Variants in NDUFAF2 observed in about 807,000 individuals in gnomAD.
The protein encoded by NDUFAF2 is NADH:ubiquinone oxidoreductase complex assembly factor 2, also known as NADH dehydrogenase [ubiquinone] 1 alpha subcomplex assembly factor 2.
Under a neutral mutation model 22.8 loss-of-function variants are expected in NDUFAF2, and 13 were observed. That is an observed-to-expected ratio of 0.57 (90% confidence interval 0.37 to 0.91). NDUFAF2 has a LOEUF of 0.91. Among genes scored for constraint, NDUFAF2 ranks in the 40% least tolerant of loss-of-function variants. The pLI, the probability that NDUFAF2 is intolerant of heterozygous loss-of-function variation, is 0.01. For missense variants in NDUFAF2, 162 were observed against 195.2 expected (o/e 0.83, Z 1.01); for synonymous variants, 53 against 64.2 (o/e 0.83, Z 0.84).
Position 60,983,228 on chromosome 5 carries a change from C to A in NDUFAF2, c.127+37846C>A, listed in dbSNP as rs568817988. Among the ~76,000 whole-genome samples the A allele has an allele frequency of 2.3e-4, 33 of 141,410 alleles. No individual in the cohort carries two copies. The South Asian group carries it at 3.6e-3, about 16-fold the overall frequency. 92.8% of individuals were successfully genotyped at this position (141,410 alleles called of 152,430 possible). On this transcript the variant is annotated intron_variant, in intron 1 of 3. Coordinates refer to ENST00000296597, the MANE Select transcript of NDUFAF2 (RefSeq NM_174889.5). ...GAGAAGTGTCTGTTCATATCCTTTGCCCACTTGTTGATGGGGTTGTTTGTT... is the reference window on the plus strand; with the variant it reads ...GAGAAGTGTCTGTTCATATCCTTTGACCACTTGTTGATGGGGTTGTTTGTT...
At chr5:60,953,122 AAC>A (rs1485349176) in intron 1 of NDUFAF2, among the ~76,000 whole-genome samples, 1 of 152,134 alleles carries the variant, frequency 6.6e-6, no homozygotes, top group Non-Finnish European at 1.5e-5. Context: ...CCAAATCATC[AAC>A]AAATTCCAAA....
At chr5:61,040,302 G>GCGCGCGCGCGCGC (rs1491236283) in intron 1 of NDUFAF2, among the ~76,000 whole-genome samples, 1 of 146,368 alleles carries the variant, frequency 6.8e-6, no homozygotes, top group Admixed American at 6.9e-5. Flanking sequence ...GCGCGCGCGC[G>GCGCGCGCGCGCGC]AAAGTTGAAA....
intron 3 of NDUFAF2, among the ~76,000 whole-genome samples, chr5:61,139,930 C>T (rs1048496841): frequency 3.9e-5 from 6 of 152,244 alleles, no homozygotes; most frequent in South Asian, 2.1e-4. Context: ...TTCCCACTTT[C>T]GGATAGGGGG....
At chr5:61,055,571 T>C (rs1269719014) in intron 1 of NDUFAF2, among the ~76,000 whole-genome samples, 2 of 152,216 alleles carry the variant, frequency 1.3e-5, no homozygotes, top group Non-Finnish European at 2.9e-5. Flanking sequence ...CAGATACTGA[T>C]TTCAGATTTT....
At chr5:61,009,234 T>C (rs1223057216) in intron 1 of NDUFAF2, among the ~76,000 whole-genome samples, 1 of 152,074 alleles carries the variant, frequency 6.6e-6, no homozygotes, top group Non-Finnish European at 1.5e-5. Context: ...GCCAAATAAG[T>C]TGAGGGAACA....
At chr5:61,139,978 A>G (rs1741025764) in intron 3 of NDUFAF2, among the ~76,000 whole-genome samples, 1 of 152,212 alleles carries the variant, frequency 6.6e-6, no homozygotes, top group Non-Finnish European at 1.5e-5. Flanking sequence ...AAGCTGTTTC[A>G]TCACTCAGGA....
chr5:61,073,248 G>T, intron 2 of NDUFAF2, 34 bp downstream of exon 2: 1 of 1,443,226 alleles, frequency 6.9e-7, no homozygotes, highest in African/African-American at 1.4e-5. Flanking sequence ...TCTCATGGGA[G>T]GTAAGTTATA....
intron 1 of NDUFAF2, among the ~76,000 whole-genome samples, chr5:60,968,051 TC>T (rs1159971571): frequency 2.2e-4 from 33 of 151,828 alleles, no homozygotes; most frequent in African/African-American, 8.0e-4. Context: ...TTATATTTCT[TC>T]ATGATTAAGT....
At chr5:61,046,209 G>T (rs1281202175) in intron 1 of NDUFAF2, among the ~76,000 whole-genome samples, 1 of 152,020 alleles carries the variant, frequency 6.6e-6, no homozygotes, top group African/African-American at 2.4e-5. Context: ...TGCTGAATTT[G>T]GTTTATTAGT....
At chr5:60,983,796 T>G (rs1381176876) in intron 1 of NDUFAF2, among the ~76,000 whole-genome samples, 5 of 151,906 alleles carry the variant, frequency 3.3e-5, no homozygotes, top group Non-Finnish European at 4.4e-5. Context: ...CTGTTTTGGT[T>G]ACTGTAGCCT....
chr5:61,046,175 A>T (rs187459), intron 1 of NDUFAF2, among the ~76,000 whole-genome samples: 97,003 of 151,716 alleles, frequency 0.64, 31,417 homozygotes, highest in East Asian at 0.94. Flanking sequence ...CAACTTGATC[A>T]TGTGAATGAT....
At chr5:61,103,247 T>TCTACCCTACTCTACC (rs1176983707) in intron 3 of NDUFAF2, among the ~76,000 whole-genome samples, 5 of 91,456 alleles carry the variant, frequency 5.5e-5, no homozygotes, top group East Asian at 1.4e-3. Flanking sequence ...CCTACTCTTC[T>TCTACCCTACTCTACC]GTACCCTACT....
chr5:61,117,033 A>G (rs1175748651), intron 3 of NDUFAF2, among the ~76,000 whole-genome samples: 5 of 152,212 alleles, frequency 3.3e-5, no homozygotes, highest in Non-Finnish European at 7.3e-5. Flanking sequence ...GTGTTTACTC[A>G]TAATATGTGA....
At chr5:60,999,668 T>C (rs943693352) in intron 1 of NDUFAF2, among the ~76,000 whole-genome samples, 1 of 152,206 alleles carries the variant, frequency 6.6e-6, no homozygotes, top group Middle Eastern at 3.4e-3. Context: ...TAAATGCCAC[T>C]GAATTGTACA....
chr5:61,060,428 C>T (rs1386773671), intron 1 of NDUFAF2, among the ~76,000 whole-genome samples: 1 of 152,126 alleles, frequency 6.6e-6, no homozygotes, highest in Non-Finnish European at 1.5e-5. Flanking sequence ...TACTTCTAAA[C>T]CTCCTTTTGT....
chr5:61,054,482 A>G (rs1277477515), intron 1 of NDUFAF2, among the ~76,000 whole-genome samples: 2 of 152,134 alleles, frequency 1.3e-5, no homozygotes, highest in African/African-American at 4.8e-5. Flanking sequence ...TTTGTGAGAC[A>G]GGAGTAGCTA....
At chr5:61,037,843 G>C (rs746792494) in intron 1 of NDUFAF2, among the ~76,000 whole-genome samples, 2 of 151,870 alleles carry the variant, frequency 1.3e-5, no homozygotes, top group African/African-American at 4.8e-5. Context: ...GGTATTTTTA[G>C]GGTATTATTC....
At chr5:61,089,112 TA>T (rs1410153233) in intron 2 of NDUFAF2, among the ~76,000 whole-genome samples, 1 of 152,170 alleles carries the variant, frequency 6.6e-6, no homozygotes, top group Non-Finnish European at 1.5e-5. Flanking sequence ...TTTAAGTGAT[TA>T]AAGGGTGCTT....
At chr5:61,119,048 A>G (rs1040486009) in intron 3 of NDUFAF2, among the ~76,000 whole-genome samples, 9 of 152,178 alleles carry the variant, frequency 5.9e-5, no homozygotes, top group African/African-American at 2.2e-4. Context: ...ATAATTACAT[A>G]TTTTAAAAGA....
Sources: allele counts gnomAD v4.1 joint callset (sites outside exome capture counted in the v4.1 genomes callset), GRCh38; gene constraint gnomAD v4.1.1; transcripts MANE v1.5; gene names NCBI Gene and HGNC (gene_info 2026-07-23, HGNC 2026-07-21).